Variants in TNRC6A observed in about 807,000 individuals in gnomAD.
The protein encoded by TNRC6A is trinucleotide repeat containing adaptor 6A.
In TNRC6A, 44 loss-of-function variants were observed where a neutral mutation model predicts 221.2. The observed-to-expected ratio is 0.20, with a 90% CI of 0.16 to 0.26. TNRC6A has a LOEUF of 0.26. Among genes scored for constraint, TNRC6A ranks in the 10% least tolerant of loss-of-function variants. The pLI, the probability that TNRC6A is intolerant of heterozygous loss-of-function variation, is 1.00. For missense variants in TNRC6A, 2,199 were observed against 2,404.4 expected (o/e 0.91, Z 1.79); for synonymous variants, 847 against 838.5 (o/e 1.01, Z -0.18).
chr16:24,667,149 C>T (rs1047089499), intron 2 of TNRC6A, among the ~76,000 whole-genome samples: 8 of 152,182 alleles, frequency 5.3e-5, no homozygotes, highest in African/African-American at 1.9e-4. Flanking sequence ...GAACACCACT[C>T]TTTACTGCTT....
chr16:24,792,622 T>G (rs1274776599), intron 6 of TNRC6A, among the ~76,000 whole-genome samples: 2 of 138,908 alleles, frequency 1.4e-5, no homozygotes, highest in African/African-American at 5.5e-5. Flanking sequence ...GCTTTTTTTT[T>G]TTTTTTTTTT....
chr16:24,751,888 C>T (rs909477847), intron 3 of TNRC6A, among the ~76,000 whole-genome samples: 7 of 152,058 alleles, frequency 4.6e-5, no homozygotes, highest in Admixed American at 2.6e-4. Flanking sequence ...AGAGAAATTT[C>T]GTTAGAGTAG....
At chr16:24,644,739 C>T (rs543465636) in intron 2 of TNRC6A, among the ~76,000 whole-genome samples, 4 of 152,228 alleles carry the variant, frequency 2.6e-5, no homozygotes, top group Non-Finnish European at 4.4e-5. Context: ...AGGCATGAGC[C>T]ACCACACCCA....
Position 24,790,019 on chromosome 16 carries a change from T to C in TNRC6A, c.1377T>C (p.Phe459=), listed in dbSNP as rs754440595. Residue 459 remains phenylalanine, a synonymous_variant, in exon 6 of 25, where the codon TTT becomes TTC. Coordinates refer to ENST00000395799, the MANE Select transcript of TNRC6A (RefSeq NM_014494.4). The part of the protein sequence containing the change: ...EMTGPNNTTN[F]MTSSLPNSGS... The stretch of plus-strand genomic sequence containing the variant: ...CTGGACCAAATAACACTACTAACTT[T>C]ATGACCTCTAGTTTACCAAACTCCG... 2.9e-5 allele frequency: 47 copies of C among 1,614,086 alleles called. 1 individual carries two copies. In the Admixed American group the frequency reaches 7.5e-4, roughly 26 times the overall value.
chr16:24,704,359 T>G (rs551864570), intron 2 of TNRC6A, among the ~76,000 whole-genome samples: 1 of 152,064 alleles, frequency 6.6e-6, no homozygotes, highest in South Asian at 2.1e-4. Flanking sequence ...GTGGAACAAA[T>G]GCAGTGATAT....
intron 19 of TNRC6A, chr16:24,816,524 A>G (rs2058662342): frequency 7.7e-6 from 2 of 260,352 alleles, no homozygotes; most frequent in Non-Finnish European, 7.3e-6. Flanking sequence ...ATACATATAT[A>G]TGATTTTTTA....
chr16:24,616,494 G>A lies in TNRC6A; in HGVS notation n.276+6010G>A, dbSNP rs990071650. Among the ~76,000 whole-genome samples, 11 of 152,150 alleles carry A rather than the reference G, an allele frequency of 7.2e-5. No individual in the cohort carries two copies. The South Asian group carries it at 8.3e-4, about 11-fold the overall frequency. On this transcript the variant is annotated intron_variant and non_coding_transcript_variant, in intron 1 of 2. Coordinates refer to the TNRC6A transcript ENST00000566108. Reference sequence around the variant, plus strand: ...TAATGTTCATAAACACAGAAGCCACGCAAAATATGAGATTCTGTTATTTCT... The same window carrying A: ...TAATGTTCATAAACACAGAAGCCACACAAAATATGAGATTCTGTTATTTCT...
intron 2 of TNRC6A, among the ~76,000 whole-genome samples, chr16:24,687,939 CTTTTCTTTTCTTTTCTTTTT>C (rs1293732395): frequency 3.2e-5 from 4 of 125,550 alleles, no homozygotes; most frequent in African/African-American, 8.7e-5. Flanking sequence ...CTTTTCTTTT[CTTTTCTTTTCTTTTCTTTTT>C]TTTTTTTTTG....
chr16:24,780,138 A>G (rs902125081), intron 5 of TNRC6A, among the ~76,000 whole-genome samples: 3 of 152,144 alleles, frequency 2.0e-5, no homozygotes, highest in Non-Finnish European at 2.9e-5. Context: ...GTTCTATCCT[A>G]TTTTTTATCC....
chr16:24,750,597 A>C (rs190990163), intron 2 of TNRC6A, 129 bp from the exon 3 acceptor site: 1 of 1,181,380 alleles, frequency 8.5e-7, no homozygotes, highest in Admixed American at 2.9e-5. Flanking sequence ...GTTTTATTTC[A>C]ATGAATGATA....
chr16:24,611,488 C>A (rs545788130), intron 1 of TNRC6A, among the ~76,000 whole-genome samples: 1 of 152,132 alleles, frequency 6.6e-6, no homozygotes, highest in South Asian at 2.1e-4. Context: ...TTACAGCAGT[C>A]AGGAGACAAG....
chr16:24,707,491 C>A (rs1459284110), intron 2 of TNRC6A, among the ~76,000 whole-genome samples: 2 of 151,820 alleles, frequency 1.3e-5, no homozygotes, highest in African/African-American at 2.4e-5. Context: ...ATACCATAGG[C>A]TAAATTAAAA....
intron 2 of TNRC6A, chr16:24,664,769 TCACA>T (rs149786252): frequency 0.027 from 7,935 of 299,312 alleles, 145 homozygotes; most frequent in African/African-American, 0.088. Context: ...AATCCCCAAA[TCACA>T]CACACACACA....
intron 2 of TNRC6A, among the ~76,000 whole-genome samples, chr16:24,645,258 C>A (rs991254012): frequency 1.4e-4 from 21 of 152,132 alleles, no homozygotes; most frequent in Non-Finnish European, 2.6e-4. Context: ...ATAATCCCAG[C>A]ACTTTAGGAG....
chr16:24,654,531 C>T, intron 2 of TNRC6A, among the ~76,000 whole-genome samples: 1 of 151,942 alleles, frequency 6.6e-6, no homozygotes, highest in Non-Finnish European at 1.5e-5. Context: ...ATGGTGAAAC[C>T]CCGTCTATAC....
In TNRC6A at chr16:24,798,231, T is replaced by G. The variant is rs989430107; in HGVS notation, c.3694+265T>G. 7 of 276,592 alleles carry G rather than the reference T, an allele frequency of 2.5e-5. 1 individual carries two copies. The highest frequency in any genetic ancestry group is 4.0e-5 in the Non-Finnish European group (6 of 148,440). The allele number at this position is 276,592 out of a possible 1,614,324, so 17.1% of individuals were successfully genotyped here. ...GATTGGAGGGTATAGTCTTCTTGAT[T>G]AGGGAACAGCACGTAGAAGGGCCTA... is the stretch of plus-strand genomic sequence containing the variant. On this transcript the variant is annotated intron_variant, in intron 11 of 24. Transcript: ENST00000395799.
chr16:24,704,973 T>C (rs969068631), intron 2 of TNRC6A, among the ~76,000 whole-genome samples: 1 of 152,066 alleles, frequency 6.6e-6, no homozygotes, highest in Non-Finnish European at 1.5e-5. Context: ...ACCCTGTCTC[T>C]ACAAAAAAAT....
At position 24,790,450 on chromosome 16, in the gene TNRC6A, C is replaced by T. The variant is rs776165453; in HGVS notation, c.1808C>T (p.Thr603Ile). 1.9e-6 allele frequency: 3 copies of T among 1,614,196 alleles called. No homozygotes were observed. The highest frequency in any genetic ancestry group is 2.5e-6 in the Non-Finnish European group (3 of 1,180,042). Reference sequence around the variant, plus strand: ...GGAGGAAGTCGAAGAGGATGGGGAACCCCTGCACAAAACACTGGCACTAAT... The same window carrying T: ...GGAGGAAGTCGAAGAGGATGGGGAATCCCTGCACAAAACACTGGCACTAAT... ...NSGGSRRGWG[T>I]PAQNTGTNLP... The change falls in exon 6 of 25, where the codon ACC (threonine) becomes ATC (isoleucine). Residue 603 changes from threonine to isoleucine, a missense_variant. By Grantham distance (89) the Thr-to-Ile change is moderately conservative. Around this residue, in one of 8 missense-constraint regions of TNRC6A, gnomAD observed 1,405 missense variants for 1,400.2 expected, o/e 1.00. Transcript: ENST00000395799.
chr16:24,764,276 A>C lies in TNRC6A; in HGVS notation c.163+5916A>C, dbSNP rs139746559. Among the ~76,000 whole-genome samples the C allele has an allele frequency of 4.8e-4, 73 of 152,066 alleles. No individual in the cohort carries two copies. The East Asian group carries it at 6.8e-3, about 14-fold the overall frequency. ...GGCAAATGGCAGGCTCTCCTGTTTA[A>C]AAGCTGAATAATATTCCTTTGTATA... On this transcript the variant is annotated intron_variant, in intron 4 of 24. Coordinates refer to ENST00000395799, the MANE Select transcript of TNRC6A (RefSeq NM_014494.4).
Sources: allele counts gnomAD v4.1 joint callset (sites outside exome capture counted in the v4.1 genomes callset), GRCh38; gene constraint gnomAD v4.1.1; regional missense constraint gnomAD v4.1.1; transcripts MANE v1.5; gene names NCBI Gene and HGNC (gene_info 2026-07-23, HGNC 2026-07-21).